Variants in DYM observed in about 807,000 individuals in gnomAD.
DYM encodes the protein dymeclin.
In DYM, 78 loss-of-function variants were observed where a neutral mutation model predicts 93.1. That is an observed-to-expected ratio of 0.84 (90% CI 0.70 to 1.01). The LOEUF (loss-of-function observed/expected upper bound fraction) is 1.01, where lower values mean the gene tolerates loss of function less well. Among genes scored for constraint, DYM ranks in the 50% least tolerant of loss-of-function variants. The pLI, the probability that DYM is intolerant of heterozygous loss-of-function variation, is 0.00. For missense variants in DYM, 789 were observed against 845.0 expected (o/e 0.93, Z 0.82); for synonymous variants, 321 against 319.7 (o/e 1.00, Z -0.04).
rs1174084334 is a variant in DYM at position 49,458,624 on chromosome 18, C to CTAAGG, written c.-54+1773_-54+1774insCCTTA. Among the ~76,000 whole-genome samples the CTAAGG allele has an allele frequency of 5.3e-5, 8 of 152,222 alleles. No homozygotes were observed. The South Asian group carries it at 1.5e-3, about 28-fold the overall frequency. On this transcript the variant is annotated intron_variant, in intron 1 of 17. Coordinates refer to ENST00000675505, the MANE Select transcript of DYM (RefSeq NM_001353214.3). ...GGCTGAGGTGGGTGAAATGCCTGAA[C>CTAAGG]TCAGGAGTTCGTGACCAGCCTGAGC...
chr18:49,344,749 A>G (rs1466396643), intron 6 of DYM, among the ~76,000 whole-genome samples: 3 of 152,184 alleles, frequency 2.0e-5, no homozygotes, highest in Admixed American at 6.5e-5. Context: ...CTATACAAAA[A>G]TAAATCCCAA....
intron 6 of DYM, among the ~76,000 whole-genome samples, chr18:49,346,230 T>A (rs1211013820): frequency 6.6e-6 from 1 of 152,088 alleles, no homozygotes; most frequent in Non-Finnish European, 1.5e-5. Flanking sequence ...ATAAACCCAA[T>A]GCATATCAAC....
At chr18:49,278,516 C>T (rs890162991) in intron 10 of DYM, among the ~76,000 whole-genome samples, 1 of 152,132 alleles carries the variant, frequency 6.6e-6, no homozygotes, top group Non-Finnish European at 1.5e-5. Context: ...TAAGGAACTT[C>T]CCTTTACCTT....
At chr18:49,119,485 A>G (rs1376572899) in intron 15 of DYM, among the ~76,000 whole-genome samples, 1 of 152,190 alleles carries the variant, frequency 6.6e-6, no homozygotes, top group Non-Finnish European at 1.5e-5. Flanking sequence ...CAATCAGCAA[A>G]CCTCTTGGAA....
chr18:49,455,238 T>C (rs1295779796), intron 1 of DYM, among the ~76,000 whole-genome samples: 4 of 152,180 alleles, frequency 2.6e-5, no homozygotes, highest in African/African-American at 4.8e-5. Flanking sequence ...TAGTCAGAAC[T>C]GTCTTTTGAG....
intron 15 of DYM, among the ~76,000 whole-genome samples, chr18:49,129,683 T>C (rs923217468): frequency 2.0e-5 from 3 of 152,280 alleles, no homozygotes; most frequent in African/African-American, 4.8e-5. Flanking sequence ...GAAAGGCTGG[T>C]ATGGAGCAGG....
chr18:49,202,115 C>T (rs2092039634), intron 14 of DYM, among the ~76,000 whole-genome samples: 1 of 152,214 alleles, frequency 6.6e-6, no homozygotes, highest in South Asian at 2.1e-4. Context: ...TCCAGCTCAC[C>T]ACGCACGTTG....
At chr18:49,441,299 T>TTATATA (rs1292649757) in intron 1 of DYM, among the ~76,000 whole-genome samples, 15 of 40,900 alleles carry the variant, frequency 3.7e-4, no homozygotes, top group African/African-American at 1.0e-3. Context: ...TATAATATAA[T>TTATATA]TATATATAAT....
intron 17 of DYM, among the ~76,000 whole-genome samples, chr18:49,080,044 T>G (rs546594822): frequency 7.0e-6 from 1 of 142,200 alleles, no homozygotes; most frequent in South Asian, 2.3e-4. Context: ...GTGCCTCACT[T>G]CCTAGTAGGG....
intron 1 of DYM, among the ~76,000 whole-genome samples, chr18:49,458,320 T>C (rs1410192776): frequency 6.6e-6 from 1 of 151,112 alleles, no homozygotes; most frequent in Non-Finnish European, 1.5e-5. Context: ...TGTAGAAAAA[T>C]GAGCCATATT....
chr18:49,221,664 C>G (rs1204414942), intron 13 of DYM, among the ~76,000 whole-genome samples: 1 of 152,014 alleles, frequency 6.6e-6, no homozygotes, highest in Non-Finnish European at 1.5e-5. Context: ...GGACAAAAAA[C>G]CAAACACCGC....
intron 15 of DYM, among the ~76,000 whole-genome samples, chr18:49,125,395 T>C (rs2082721494): frequency 6.6e-6 from 1 of 152,200 alleles, no homozygotes; most frequent in Admixed American, 6.5e-5. Context: ...CTAGTCCTAG[T>C]AGATGCAGGT....
intron 1 of DYM, among the ~76,000 whole-genome samples, chr18:49,454,726 C>T (rs1053367150): frequency 2.5e-4 from 37 of 149,966 alleles, no homozygotes; most frequent in African/African-American, 8.4e-4. Context: ...AGTGAAACCC[C>T]GTCTCTACTA....
At chr18:49,351,495 T>C (rs2065119230) in intron 6 of DYM, among the ~76,000 whole-genome samples, 1 of 151,666 alleles carries the variant, frequency 6.6e-6, no homozygotes, top group Non-Finnish European at 1.5e-5. Context: ...AGCAGTTCCA[T>C]CAATGAAAAA....
chr18:49,378,072 C>A (rs1180621688), intron 5 of DYM, among the ~76,000 whole-genome samples: 1 of 152,210 alleles, frequency 6.6e-6, no homozygotes, highest in Admixed American at 6.5e-5. Context: ...ACTTTGGCAT[C>A]ATAAAACTGT....
At chr18:49,202,357 C>T (rs1403869570) in intron 14 of DYM, among the ~76,000 whole-genome samples, 1 of 151,818 alleles carries the variant, frequency 6.6e-6, no homozygotes, top group Non-Finnish European at 1.5e-5. Flanking sequence ...CTACACCTCC[C>T]AGCCGCCTGC....
chr18:49,446,658 T>C (rs2082114446), intron 1 of DYM, among the ~76,000 whole-genome samples: 1 of 152,098 alleles, frequency 6.6e-6, no homozygotes, highest in Non-Finnish European at 1.5e-5. Flanking sequence ...AAGGTTAAAG[T>C]TGTGAAGAAG....
chr18:49,355,808 AT>A (rs1443892979), intron 6 of DYM, among the ~76,000 whole-genome samples: 1 of 152,104 alleles, frequency 6.6e-6, no homozygotes, highest in African/African-American at 2.4e-5. Context: ...ATGTAAAAAA[AT>A]AAATATAAAG....
In DYM at chr18:49,430,166, G is replaced by C. The variant is rs1267913871; in HGVS notation, c.140+89C>G. ...GACAGATAGACTAGATAGATAGACA[G>C]AACATTTCTAAATTTTTTTTTAATC... is the stretch of plus-strand genomic sequence containing the variant. On this transcript the variant is annotated intron_variant, in intron 2 of 17. Coordinates refer to ENST00000675505, the MANE Select transcript of DYM (RefSeq NM_001353214.3). The C allele has an allele frequency of 1.7e-5, 21 of 1,236,462 alleles. No homozygotes were observed. In the South Asian group the frequency reaches 2.4e-4, roughly 14 times the overall value. 76.6% of individuals were successfully genotyped at this position (1,236,462 alleles called of 1,614,324 possible).
Sources: allele counts gnomAD v4.1 joint callset (sites outside exome capture counted in the v4.1 genomes callset), GRCh38; gene constraint gnomAD v4.1.1; transcripts MANE v1.5; gene names NCBI Gene and HGNC (gene_info 2026-07-23, HGNC 2026-07-21).